EPG5: variants seen among roughly 807,000 people sequenced by gnomAD.
The protein encoded by EPG5 is ectopic P granules protein 5 homolog.
EPG5 carries 159 observed loss-of-function variants against 302.7 expected under a neutral mutation model. That is an observed-to-expected ratio of 0.53 (90% CI 0.46 to 0.60). The LOEUF is 0.60. EPG5 is among the 20% of genes least tolerant of loss of function. EPG5 has a pLI of 0.00. For synonymous variants in EPG5, 1,158 were observed against 1,136.8 expected (o/e 1.02, Z -0.37); for missense variants, 2,896 against 3,092.4 (o/e 0.94, Z 1.51).
chr18:45,924,958 C>T (rs186963502), intron 14 of EPG5, among the ~76,000 whole-genome samples: 1 of 152,196 alleles, frequency 6.6e-6, no homozygotes, highest in Admixed American at 6.5e-5. Flanking sequence ...CAACTAAGGC[C>T]CAAAGAGTTT....
chr18:45,890,141 T>C (rs534372473), intron 27 of EPG5: 2 of 406,490 alleles, frequency 4.9e-6, no homozygotes, highest in Admixed American at 8.7e-5. Context: ...TTCACTTATG[T>C]TTCAACTCCT....
intron 24 of EPG5, among the ~76,000 whole-genome samples, chr18:45,904,524 G>C (rs923765347): frequency 6.6e-6 from 1 of 151,920 alleles, no homozygotes; most frequent in African/African-American, 2.4e-5. Flanking sequence ...GTAAATACAG[G>C]GGACAGAAAA....
chr18:45,910,427 G>T, intron 23 of EPG5, 94 bp downstream of exon 23: 2 of 905,152 alleles, frequency 2.2e-6, no homozygotes, highest in East Asian at 2.4e-5. Flanking sequence ...CGTGTTAAGA[G>T]AATAACATCT....
At chr18:45,878,906 A>T in intron 33 of EPG5, 107 bp downstream of exon 33, 1 of 857,532 alleles carries the variant, frequency 1.2e-6, no homozygotes, top group Non-Finnish European at 1.9e-6. Context: ...ATATATTTCT[A>T]CTTTCTCTCC....
At chr18:45,924,047 A>C (rs2050214914) in intron 14 of EPG5, among the ~76,000 whole-genome samples, 1 of 151,998 alleles carries the variant, frequency 6.6e-6, no homozygotes, top group African/African-American at 2.4e-5. Flanking sequence ...AAAAAAGAGA[A>C]AGATATTTAA....
At position 45,889,835 on chromosome 18, in the gene EPG5, T is replaced by C. The variant is rs1367671037; in HGVS notation, c.4915A>G (p.Ile1639Val). The C allele has an allele frequency of 2.5e-6, 4 of 1,611,940 alleles. No homozygotes were observed. The highest frequency in any genetic ancestry group is 1.7e-6 in the Non-Finnish European group (2 of 1,179,152). ...TCTGCATGTACAGCAGCTTCCACAA[T>C]ATTAAGTGATGGTGGTTTAGCAGCT... ...AEAAKPPSLN[I>V]VEAAVHAENL... The change falls in exon 28 of 44, where the codon ATT (isoleucine) becomes GTT (valine). Residue 1639 changes from isoleucine (I) to valine (V), a missense_variant. Transcript: ENST00000282041.
chr18:45,816,905 G>T, the EPG5 span, among the ~76,000 whole-genome samples: 1 of 152,156 alleles, frequency 6.6e-6, no homozygotes, highest in East Asian at 1.9e-4. Flanking sequence ...AGAAACTGTG[G>T]TATATATGTG....
chr18:45,889,662 A>G lies in EPG5; in HGVS notation c.4952+136T>C, dbSNP rs200055318. 10 of 643,942 alleles carry G rather than the reference A, an allele frequency of 1.6e-5. No individual in the cohort carries two copies. In the East Asian group the frequency reaches 1.8e-4, roughly 12 times the overall value. The allele number at this position is 643,942 out of a possible 1,614,324, so 39.9% of individuals were successfully genotyped here. ...ATAAGTAGCAGGCCAGATTTGACTCAAAGGCCGTAGTTTGCTGATGTCTGT... is the reference window on the plus strand; with the variant it reads ...ATAAGTAGCAGGCCAGATTTGACTCGAAGGCCGTAGTTTGCTGATGTCTGT... On this transcript the variant is annotated intron_variant, in intron 28 of 43. Transcript: ENST00000282041.
intron 9 of EPG5, among the ~76,000 whole-genome samples, chr18:45,942,405 C>A (rs1293611211): frequency 6.6e-6 from 1 of 152,090 alleles, no homozygotes; most frequent in Non-Finnish European, 1.5e-5. Flanking sequence ...GAGTTTGAAA[C>A]CAGCCTGGGC....
the EPG5 span, chr18:45,842,097 T>A: frequency 6.2e-7 from 1 of 1,614,040 alleles, no homozygotes; most frequent in Non-Finnish European, 8.5e-7. Flanking sequence ...AACTTTCTCC[T>A]GTCCACAGGT....
chr18:45,889,040 A>C (rs749307102), intron 28 of EPG5, among the ~76,000 whole-genome samples: 4 of 152,184 alleles, frequency 2.6e-5, no homozygotes, highest in Non-Finnish European at 5.9e-5. Context: ...TCCCAGTAAA[A>C]GAAACATCAA....
At chr18:45,960,262 CCT>C (rs1010691190) in intron 1 of EPG5, among the ~76,000 whole-genome samples, 31 of 152,300 alleles carry the variant, frequency 2.0e-4, no homozygotes, top group African/African-American at 7.2e-4. Flanking sequence ...AAAGGTATTT[CCT>C]TTTTTAAAAA....
intron 1 of EPG5, among the ~76,000 whole-genome samples, chr18:45,959,040 C>G (rs11660861): frequency 0.16 from 24,714 of 152,212 alleles, 2,627 homozygotes; most frequent in Non-Finnish European, 0.24. Flanking sequence ...TCTCTGAATG[C>G]TGGGGAGACT....
chr18:45,831,390 C>T, the EPG5 span, among the ~76,000 whole-genome samples: 1 of 152,220 alleles, frequency 6.6e-6, no homozygotes, highest in Admixed American at 6.5e-5. Flanking sequence ...TTCCAAGAGT[C>T]TACAAACAGA....
At chr18:45,937,798 G>A (rs1599613056) in intron 10 of EPG5, among the ~76,000 whole-genome samples, 1 of 152,106 alleles carries the variant, frequency 6.6e-6, no homozygotes, top group East Asian at 1.9e-4. Flanking sequence ...CCATTTGAGT[G>A]CCGAATAAAT....
intron 43 of EPG5, 118 bp from the exon 44 acceptor site, chr18:45,852,767 C>A: frequency 4.4e-6 from 4 of 906,796 alleles, no homozygotes; most frequent in Non-Finnish European, 6.8e-6. Flanking sequence ...GGGAAGGAGG[C>A]CTACAGAACT....
At chr18:45,808,160 A>G in the EPG5 span, among the ~76,000 whole-genome samples, 2 of 152,198 alleles carry the variant, frequency 1.3e-5, no homozygotes, top group Non-Finnish European at 2.9e-5. Context: ...TCTTCAAATT[A>G]ACCCAGTCTA....
chr18:45,806,332 A>G, the EPG5 span, among the ~76,000 whole-genome samples: 2 of 152,240 alleles, frequency 1.3e-5, no homozygotes, highest in African/African-American at 4.8e-5. Context: ...TAAGGGGATC[A>G]TGGTGGGCGG....
chr18:45,856,942 A>T (rs1214571115), intron 42 of EPG5, among the ~76,000 whole-genome samples: 2 of 152,034 alleles, frequency 1.3e-5, no homozygotes, highest in African/African-American at 4.8e-5. Context: ...TTTTTGAGAC[A>T]GAGTCTTGCT....
Sources: allele counts gnomAD v4.1 joint callset (sites outside exome capture counted in the v4.1 genomes callset), GRCh38; gene constraint gnomAD v4.1.1; transcripts MANE v1.5; gene names NCBI Gene and HGNC (gene_info 2026-07-23, HGNC 2026-07-21).